CWH43: variants seen among roughly 807,000 people sequenced by gnomAD.
CWH43 encodes PGAP2-interacting protein.
In CWH43, 91 loss-of-function variants were observed where a neutral mutation model predicts 85.7. The observed-to-expected ratio is 1.06, with a 90% CI of 0.90 to 1.26. CWH43 has a LOEUF of 1.26. Among genes scored for constraint, CWH43 ranks in the 50% most tolerant of loss-of-function variants. The pLI is 0.00. For missense variants in CWH43, 869 were observed against 839.2 expected (o/e 1.04, Z -0.44); for synonymous variants, 323 against 293.6 (o/e 1.10, Z -1.02).
chr4:48,997,130 G>A (rs1782839764), intron 5 of CWH43, among the ~76,000 whole-genome samples: 1 of 151,940 alleles, frequency 6.6e-6, no homozygotes, highest in Non-Finnish European at 1.5e-5. Context: ...GAATAGGTGT[G>A]TTTCTCAGAA....
intron 15 of CWH43, among the ~76,000 whole-genome samples, chr4:49,054,709 C>T (rs540398695): frequency 3.4e-4 from 52 of 152,140 alleles, no homozygotes; most frequent in African/African-American, 1.2e-3. Context: ...TTTCAGTGTA[C>T]AGGTGTTTCA....
chr4:49,041,383 A>G (rs1784457480), intron 13 of CWH43, among the ~76,000 whole-genome samples: 1 of 152,128 alleles, frequency 6.6e-6, no homozygotes, highest in African/African-American at 2.4e-5. Flanking sequence ...TGAGCATGGA[A>G]TGTTCTTCCA....
chr4:49,059,061 T>C (rs1176486131), intron 15 of CWH43, among the ~76,000 whole-genome samples: 1 of 152,154 alleles, frequency 6.6e-6, no homozygotes, highest in Admixed American at 6.5e-5. Flanking sequence ...TTTCTCTCCC[T>C]TTTTCCTTCT....
Position 48,986,464 on chromosome 4 carries a change from C to A in CWH43, c.35C>A (p.Ser12Ter). 6.5e-7 allele frequency: 1 copy of A among 1,549,950 alleles called. No homozygotes were observed. The highest frequency in any genetic ancestry group is 8.7e-7 in the Non-Finnish European group (1 of 1,143,836). The change falls in exon 1 of 16, where the codon TCG (serine) becomes TAG (stop). Residue 12 changes from serine to a stop codon, truncating the protein, a stop_gained. Transcript: ENST00000226432. LOFTEE classifies it high-confidence loss of function. ...CTGTGGAGAGAAATCCTCTTGGAGT[C>A]GCTGCTGGGTAAGCCGAAGCCCCTC... ...PSLWREILLE[S>*]LLGCVSWSLY...
rs140534523 is a variant in CWH43, at chr4:49,020,416, C to CACACACACACACACAT, written c.1266+3089_1266+3090insCACACACACACACATA. ...ACACACACACACACACACACACACA[C>CACACACACACACACAT]ATATATATATATAAATCATATTTTC... On this transcript the variant is annotated intron_variant, in intron 9 of 15. Transcript: ENST00000226432. 1.9e-3 allele frequency among the ~76,000 whole-genome samples: 249 copies of CACACACACACACACAT among 128,374 alleles called. 1 individual carries two copies. Among genetic ancestry groups the CACACACACACACACAT allele is most frequent in the Admixed American group, 5.2e-3 (58 of 11,054 alleles). The allele number at this position is 128,374 out of a possible 152,430, so 84.2% of individuals were successfully genotyped here. A position where few individuals can be genotyped will look rare whatever the true frequency, so the allele number is the denominator to read the frequency against.
chr4:48,986,743 G>T, intron 1 of CWH43: 2 of 1,306,232 alleles, frequency 1.5e-6, no homozygotes, highest in Non-Finnish European at 1.9e-6. Context: ...TGTGCCCAAG[G>T]AGCGCGAATT....
chr4:49,058,426 C>T (rs943128815), intron 15 of CWH43, among the ~76,000 whole-genome samples: 4 of 152,056 alleles, frequency 2.6e-5, no homozygotes, highest in Non-Finnish European at 5.9e-5. Flanking sequence ...TATCATGTAC[C>T]CATTAACAAA....
chr4:49,058,346 A>G (rs956364245), intron 15 of CWH43, among the ~76,000 whole-genome samples: 3 of 152,190 alleles, frequency 2.0e-5, no homozygotes, highest in Non-Finnish European at 2.9e-5. Flanking sequence ...TGCTGCATAT[A>G]AAAACTGAGA....
intron 8 of CWH43, among the ~76,000 whole-genome samples, chr4:49,012,702 T>C (rs1334968672): frequency 1.3e-5 from 2 of 152,226 alleles, no homozygotes; most frequent in African/African-American, 4.8e-5. Context: ...TCCTTTCTGT[T>C]TGTTAGTTTT....
chr4:49,059,165 A>G lies in CWH43; in HGVS notation c.2022-2647A>G, dbSNP rs1431101715. Among the ~76,000 whole-genome samples the G allele has an allele frequency of 2.0e-5, 3 of 151,502 alleles. No individual in the cohort carries two copies. The East Asian group carries it at 5.9e-4, about 30-fold the overall frequency. On this transcript the variant is annotated intron_variant, in intron 15 of 15. Transcript: ENST00000226432. Reference sequence around the variant, plus strand: ...CCACTTTTTCATTCTTTTTTCTATGACTCTGGTTGGGTAATTTTGAATGAC... The same window carrying G: ...CCACTTTTTCATTCTTTTTTCTATGGCTCTGGTTGGGTAATTTTGAATGAC...
intron 8 of CWH43, among the ~76,000 whole-genome samples, chr4:49,009,659 T>C (rs1254541264): frequency 6.6e-6 from 1 of 152,208 alleles, no homozygotes; most frequent in African/African-American, 2.4e-5. Context: ...CATTAATACC[T>C]AGTTTATTGA....
intron 14 of CWH43, among the ~76,000 whole-genome samples, chr4:49,046,789 G>A (rs1194519706): frequency 6.6e-6 from 1 of 152,146 alleles, no homozygotes; most frequent in Non-Finnish European, 1.5e-5. Context: ...ATGGCAGGTG[G>A]TGGTAGATGA....
At chr4:48,996,563 A>G (rs980677191) in intron 5 of CWH43, among the ~76,000 whole-genome samples, 3 of 152,202 alleles carry the variant, frequency 2.0e-5, no homozygotes, top group African/African-American at 7.2e-5. Context: ...AGAAAGGAAC[A>G]AAAGGCCAGA....
chr4:49,020,367 G>T (rs1783703218), intron 9 of CWH43, among the ~76,000 whole-genome samples: 2 of 117,116 alleles, frequency 1.7e-5, no homozygotes, highest in South Asian at 2.8e-4. Context: ...ATTTTTTATG[G>T]CTGAATAGTA....
chr4:49,028,472 A>C (rs1783989738), intron 9 of CWH43, among the ~76,000 whole-genome samples, 157 bp from the exon 10 acceptor site: 1 of 152,250 alleles, frequency 6.6e-6, no homozygotes, highest in Non-Finnish European at 1.5e-5. Context: ...CCATATAGCA[A>C]ATATCTCCTT....
chr4:49,044,221 A>G (rs1784552160), intron 13 of CWH43, among the ~76,000 whole-genome samples: 1 of 152,288 alleles, frequency 6.6e-6, no homozygotes, highest in African/African-American at 2.4e-5. Context: ...AGCCCTCAAC[A>G]TCAAAAAGAC....
chr4:49,029,425 G>C (rs747755745), intron 10 of CWH43, among the ~76,000 whole-genome samples: 13 of 152,218 alleles, frequency 8.5e-5, no homozygotes, highest in Non-Finnish European at 1.6e-4. Context: ...GCCCAAGAAA[G>C]CTTGGGTATT....
In CWH43 at chr4:48,986,438, G is replaced by A. The variant is rs201789622; in HGVS notation, c.9G>A (p.Ser3=). 1 of 1,549,262 alleles carries A rather than the reference G, an allele frequency of 6.5e-7. No individual in the cohort carries two copies. The highest frequency in any genetic ancestry group is 8.7e-7 in the Non-Finnish European group (1 of 1,143,442). The change falls in exon 1 of 16, where the codon TCG becomes TCA. Residue 3 remains serine (S), a synonymous_variant. Coordinates refer to ENST00000226432, the MANE Select transcript of CWH43 (RefSeq NM_025087.3). ...TGCCCCTCGCCGCGGCGATGCCCTC[G>A]CTGTGGAGAGAAATCCTCTTGGAGT... MP[S]LWREILLESL... is the part of the protein sequence containing the mutation.
At position 48,994,826 on chromosome 4, in the gene CWH43, T is replaced by A. The variant is rs1782762294; in HGVS notation, c.713+6T>A. On this transcript the variant is annotated splice_donor_region_variant and intron_variant, in intron 5 of 15. Coordinates refer to ENST00000226432, the MANE Select transcript of CWH43 (RefSeq NM_025087.3). ...CCAGATCCTAACCCATTTGGGTGAGTTTGGGTTTGGAAGCAATCACAAAAT... is the reference window on the plus strand; with the variant it reads ...CCAGATCCTAACCCATTTGGGTGAGATTGGGTTTGGAAGCAATCACAAAAT... The A allele has an allele frequency of 6.2e-7, 1 of 1,612,822 alleles. No individual in the cohort carries two copies. The highest frequency in any genetic ancestry group is 8.5e-7 in the Non-Finnish European group (1 of 1,179,672).
Sources: allele counts gnomAD v4.1 joint callset (sites outside exome capture counted in the v4.1 genomes callset), GRCh38; gene constraint gnomAD v4.1.1; transcripts MANE v1.5; gene names NCBI Gene and HGNC (gene_info 2026-07-23, HGNC 2026-07-21).